KCNH3: variants seen among roughly 807,000 people sequenced by gnomAD.
KCNH3 encodes voltage-gated inwardly rectifying potassium channel KCNH3.
A neutral mutation model predicts 95.6 loss-of-function variants in KCNH3; 36 were observed. That is an observed-to-expected ratio of 0.38 (90% CI 0.29 to 0.50). KCNH3 has a LOEUF of 0.50. KCNH3 is among the 20% of genes least tolerant of loss of function. The probability of loss-of-function intolerance (pLI) is 0.95; values close to 1 mark genes in which losing one functional copy is unlikely to be tolerated. For missense variants in KCNH3, 1,030 were observed against 1,484.1 expected (o/e 0.69, Z 5.03); for synonymous variants, 620 against 646.3 (o/e 0.96, Z 0.62).
chr12:49,542,775 C>A lies in KCNH3; in HGVS notation c.515C>A (p.Ala172Asp). The A allele has an allele frequency of 6.3e-7, 1 of 1,596,676 alleles. No homozygotes were observed. The highest frequency in any genetic ancestry group is 1.8e-5 in the Admixed American group (1 of 56,454). ...GFNANRRRSR[A>D]VLYHLSGHLQ... ...AATGCCAACCGGCGGCGGAGCCGGG[C>A]CGTGCTCTACCACCTGTCCGGGCAC... Residue 172 changes from alanine to aspartate, a missense_variant, in exon 4 of 15, where the codon GCC (alanine) becomes GAC (aspartate). Physicochemically the swap from Ala to Asp is moderately radical, Grantham distance 126. Coordinates refer to ENST00000257981, the MANE Select transcript of KCNH3 (RefSeq NM_012284.3).
chr12:49,552,085 A>G (rs1014481430), intron 10 of KCNH3, among the ~76,000 whole-genome samples: 2 of 152,222 alleles, frequency 1.3e-5, no homozygotes, highest in African/African-American at 4.8e-5. Context: ...GAGTTATGCC[A>G]GTTAAGTGTA....
chr12:49,549,201 G>T, intron 8 of KCNH3, 28 bp downstream of exon 8: 1 of 1,559,876 alleles, frequency 6.4e-7, no homozygotes. Flanking sequence ...CGTCTTCCCG[G>T]GGCCACTCCC....
intron 13 of KCNH3, among the ~76,000 whole-genome samples, 182 bp from the exon 14 acceptor site, chr12:49,557,001 G>A (rs1205692758): frequency 6.6e-6 from 1 of 152,144 alleles, no homozygotes; most frequent in Non-Finnish European, 1.5e-5. Flanking sequence ...CTGCTGGGTG[G>A]TGTTTTCCCT....
Position 49,558,276 on chromosome 12 carries a change from T to TA in KCNH3, c.*335dup, listed in dbSNP as rs758009806. On this transcript the variant is annotated 3_prime_UTR_variant, in exon 15 of 15. Coordinates refer to ENST00000257981, the MANE Select transcript of KCNH3 (RefSeq NM_012284.3). ...TCTACCTGTCCCCAAATTTTTATAT[T>TA]AAAAAAAAAAAATAAAATAAACTAC... 0.047 allele frequency: 14,289 copies of TA among 305,702 alleles called. 40 individuals carry two copies. Among genetic ancestry groups the TA allele is most frequent in the Non-Finnish European group, 0.059 (9,899 of 168,916 alleles). 18.9% of individuals were successfully genotyped at this position (305,702 alleles called of 1,614,324 possible).
chr12:49,543,786 T>A, intron 5 of KCNH3, 129 bp from the exon 6 acceptor site: 1 of 1,256,328 alleles, frequency 8.0e-7, no homozygotes. Flanking sequence ...TTACAGTTAC[T>A]GTGAGAACTA....
chr12:49,549,014 G>A lies in KCNH3; in HGVS notation c.1309G>A (p.Gly437Arg). The change falls in exon 8 of 15, where the codon GGG becomes AGG. Residue 437 changes from glycine (G) to arginine (R), a missense_variant. Around this residue, in one of 9 missense-constraint regions of KCNH3, gnomAD observed 50 missense variants for 41.0 expected, o/e 1.22. Transcript: ENST00000257981. ...CTGCAGCAGCAGCAGCGAGGCCAAC[G>A]GGACGGGGCTGGAGCTGCTGGGCGG... The part of the protein sequence containing the change: ...DNCSSSSEAN[G>R]TGLELLGGPS... The A allele has an allele frequency of 2.5e-6, 4 of 1,611,702 alleles. No homozygotes were observed. Among genetic ancestry groups the A allele is most frequent in the Middle Eastern group, 1.7e-4 (1 of 6,054 alleles).
chr12:49,550,472 C>A, intron 10 of KCNH3, 143 bp downstream of exon 10: 1 of 1,072,288 alleles, frequency 9.3e-7, no homozygotes. Flanking sequence ...TTATGGAGTC[C>A]TGGTCAAAGC....
rs529789276 is a variant in KCNH3, at chr12:49,554,466, C to T, written c.2048C>T (p.Ala683Val). The change falls in exon 11 of 15, where the codon GCG becomes GTG. Residue 683 changes from alanine (A) to valine (V), a missense_variant. By Grantham distance (64) the Ala-to-Val change is moderately conservative. Coordinates refer to ENST00000257981, the MANE Select transcript of KCNH3 (RefSeq NM_012284.3). ...LQLAGLHDSL[A>V]LYPEFAPRFS... ...CTGGCTGGCCTGCACGACAGCCTTG[C>T]GCTGTACCCCGAGTTTGCCCCGCGC... is the stretch of plus-strand genomic sequence containing the variant. 1.7e-5 allele frequency: 27 copies of T among 1,613,556 alleles called. No homozygotes were observed. In the Admixed American group the frequency reaches 3.0e-4, roughly 18 times the overall value.
chr12:49,556,267 G>A (rs111466998), intron 12 of KCNH3, 103 bp from the exon 13 acceptor site: 18,814 of 846,410 alleles, frequency 0.022, 345 homozygotes, highest in East Asian at 0.053. Flanking sequence ...TCAGTTCCAC[G>A]CTCCTGCAGC....
intron 13 of KCNH3, 63 bp from the exon 14 acceptor site, chr12:49,557,120 A>T: frequency 6.6e-7 from 1 of 1,505,648 alleles, no homozygotes; most frequent in East Asian, 2.3e-5. Context: ...CAAGGCCTAG[A>T]CCCCCAAATT....
intron 2 of KCNH3, 96 bp from the exon 3 acceptor site, chr12:49,541,534 C>A: frequency 6.9e-7 from 1 of 1,439,946 alleles, no homozygotes; most frequent in Non-Finnish European, 9.5e-7. Flanking sequence ...CTAGATCCTG[C>A]CTGTGTCTTG....
rs750323158 is a variant in KCNH3 at position 49,544,265 on chromosome 12, G to A, written c.1072G>A (p.Val358Met). 36 of 1,608,344 alleles carry A rather than the reference G, an allele frequency of 2.2e-5. No homozygotes were observed. Among genetic ancestry groups the A allele is most frequent in the Middle Eastern group, 1.6e-4 (1 of 6,072 alleles). Residue 358 changes from valine (V) to methionine (M), a missense_variant, in exon 7 of 15, where the codon GTG becomes ATG. Coordinates refer to ENST00000257981, the MANE Select transcript of KCNH3 (RefSeq NM_012284.3). ...RLDRYSQYSA[V>M]VLTLLMAVFA... The stretch of plus-strand genomic sequence containing the variant: ...GGACCGGTACTCGCAGTACAGCGCC[G>A]TGGTGCTGACACTGCTCATGGCCGT...
In KCNH3 at chr12:49,549,492, T is replaced by G; in HGVS notation, c.1520T>G (p.Met507Arg). ...FGNVTAIIQR[M>R]YARRFLYHSR... ...AACGTGACGGCCATCATCCAGCGCATGTACGCCCGCCGCTTTCTGTACCAC... is the reference window on the plus strand; with the variant it reads ...AACGTGACGGCCATCATCCAGCGCAGGTACGCCCGCCGCTTTCTGTACCAC... The change falls in exon 9 of 15, where the codon ATG (methionine) becomes AGG (arginine). Residue 507 changes from methionine (M) to arginine (R), a missense_variant. Around this residue, in one of 9 missense-constraint regions of KCNH3, gnomAD observed 160 missense variants for 316.2 expected, o/e 0.51. Coordinates refer to ENST00000257981, the MANE Select transcript of KCNH3 (RefSeq NM_012284.3). The G allele has an allele frequency of 1.9e-6, 3 of 1,613,396 alleles. No homozygotes were observed. The highest frequency in any genetic ancestry group is 2.5e-6 in the Non-Finnish European group (3 of 1,180,012).
Position 49,542,758 on chromosome 12 carries a change from C to A in KCNH3, c.498C>A (p.Asn166Lys). Residue 166 changes from asparagine to lysine, a missense_variant, in exon 4 of 15, where the codon AAC becomes AAA. Around this residue, in one of 9 missense-constraint regions of KCNH3, gnomAD observed 92 missense variants for 92.7 expected, o/e 0.99. Coordinates refer to ENST00000257981, the MANE Select transcript of KCNH3 (RefSeq NM_012284.3). ...CACGATCCAAAGGCTTCAATGCCAA[C>A]CGGCGGCGGAGCCGGGCCGTGCTCT... ...GRARSKGFNA[N>K]RRRSRAVLYH... 1 of 1,590,832 alleles carries A rather than the reference C, an allele frequency of 6.3e-7. No homozygotes were observed. Among genetic ancestry groups the A allele is most frequent in the African/African-American group, 1.3e-5 (1 of 74,838 alleles).
At chr12:49,546,394 T>TC (rs369412216) in intron 7 of KCNH3, among the ~76,000 whole-genome samples, 1 of 148,536 alleles carries the variant, frequency 6.7e-6, no homozygotes, top group East Asian at 2.1e-4. Context: ...CCCAGACCTC[T>TC]CCAAGTCCAG....
chr12:49,549,985 T>C, intron 9 of KCNH3, 95 bp from the exon 10 acceptor site: 1 of 1,344,750 alleles, frequency 7.4e-7, no homozygotes. Context: ...CCTCCCCTGT[T>C]CCTGAGGCCT....
chr12:49,556,625 G>C (rs56743994), intron 13 of KCNH3, 149 bp downstream of exon 13: 7 of 716,708 alleles, frequency 9.8e-6, no homozygotes, highest in South Asian at 3.0e-5. Flanking sequence ...GGTGTCGTGC[G>C]GGCAGGGGAG....
At chr12:49,548,095 C>CGTGT (rs369626063) in intron 7 of KCNH3, among the ~76,000 whole-genome samples, 7,654 of 146,542 alleles carry the variant, frequency 0.052, 232 homozygotes, top group African/African-American at 0.088. Context: ...CCTGTGACTA[C>CGTGT]GTGTGTGTGT....
At chr12:49,544,508 A>T in intron 7 of KCNH3, 126 bp downstream of exon 7, 1 of 915,950 alleles carries the variant, frequency 1.1e-6, no homozygotes, top group Non-Finnish European at 1.7e-6. Flanking sequence ...ATCAGAGAAG[A>T]GGGTGTGCAG....
Sources: gnomAD v4.1 joint callset for allele counts (sites outside exome capture counted in the v4.1 genomes callset) on GRCh38, gnomAD v4.1.1 for gene constraint, gnomAD v4.1.1 regional missense constraint, MANE v1.5 for transcripts, NCBI Gene and HGNC (gene_info 2026-07-23, HGNC 2026-07-21) for gene names.